KIAA1217: variants seen among roughly 807,000 people sequenced by gnomAD.
KIAA1217 encodes KIAA1217.
In KIAA1217, 88 loss-of-function variants were observed where a neutral mutation model predicts 163.9. The ratio of observed to expected loss-of-function variants is 0.54; its 90% CI spans 0.45 to 0.64. KIAA1217 has a LOEUF of 0.64. KIAA1217 is among the 30% of genes least tolerant of loss of function. The pLI, the probability that KIAA1217 is intolerant of heterozygous loss-of-function variation, is 0.00. For synonymous variants in KIAA1217, 903 were observed against 923.1 expected (o/e 0.98, Z 0.39); for missense variants, 2,372 against 2,475.0 (o/e 0.96, Z 0.88).
intron 2 of KIAA1217, among the ~76,000 whole-genome samples, chr10:24,337,704 C>T (rs1381408395): frequency 1.4e-5 from 2 of 145,042 alleles, no homozygotes; most frequent in Non-Finnish European, 3.0e-5. Flanking sequence ...AGTACAGTGG[C>T]GCAATCTCCA....
At chr10:23,880,213 G>A (rs946275592) in intron 1 of KIAA1217, among the ~76,000 whole-genome samples, 5 of 151,866 alleles carry the variant, frequency 3.3e-5, no homozygotes, top group Admixed American at 1.3e-4. Flanking sequence ...TCCATCAACA[G>A]GGGAATGGAT....
At chr10:24,224,022 A>G (rs2070084488) in intron 2 of KIAA1217, among the ~76,000 whole-genome samples, 1 of 152,166 alleles carries the variant, frequency 6.6e-6, no homozygotes. Flanking sequence ...TTGTCTTTAA[A>G]AAATATGTTG....
intron 2 of KIAA1217, among the ~76,000 whole-genome samples, chr10:24,104,107 T>A (rs749822093): frequency 3.3e-5 from 5 of 152,160 alleles, no homozygotes; most frequent in Admixed American, 6.5e-5. Context: ...AGTTTGGCAG[T>A]TTCTTACAAA....
rs2075714347 is a variant in KIAA1217 at position 24,546,251 on chromosome 10, G to A, written c.5759G>A (p.Ser1920Asn). Reference protein sequence around the residue: ...AKGTRTIHTPSLTSYKAQNGS... With the variant: ...AKGTRTIHTPNLTSYKAQNGS... The stretch of plus-strand genomic sequence containing the variant: ...GGCACCAGGACCATCCATACTCCCA[G>A]CCTCACCAGCTACAAGGCACAGAAT... Residue 1920 changes from serine (S) to asparagine (N), a missense_variant, in exon 21 of 21, where the codon AGC (serine) becomes AAC (asparagine). Ser to Asn is a conservative substitution (Grantham distance 46). This residue lies in a region of KIAA1217 where 690 missense variants were observed against 677.5 expected (regional missense o/e 1.02). Transcript: ENST00000376454. 1.2e-6 allele frequency: 2 copies of A among 1,613,952 alleles called. No homozygotes were observed. Among genetic ancestry groups the A allele is most frequent in the African/African-American group, 1.3e-5 (1 of 74,884 alleles).
chr10:24,087,919 TCCCA>T (rs2061761785), intron 2 of KIAA1217, among the ~76,000 whole-genome samples: 1 of 71,594 alleles, frequency 1.4e-5, no homozygotes, highest in Non-Finnish European at 5.5e-5. Flanking sequence ...TGTGGTGGCC[TCCCA>T]AGCCTTCCCA....
chr10:24,223,602 T>G (rs1012255595), intron 2 of KIAA1217, among the ~76,000 whole-genome samples: 4 of 152,060 alleles, frequency 2.6e-5, no homozygotes, highest in African/African-American at 7.2e-5. Context: ...TCTGGCTTCC[T>G]CTCAGAGAAG....
At chr10:24,154,753 G>C (rs1314207347) in intron 2 of KIAA1217, among the ~76,000 whole-genome samples, 1 of 152,072 alleles carries the variant, frequency 6.6e-6, no homozygotes, top group Non-Finnish European at 1.5e-5. Context: ...GTGTGTGCCT[G>C]TAGTCCCAGC....
chr10:24,542,438 A>C (rs184595386), intron 17 of KIAA1217: 1 of 1,124,250 alleles, frequency 8.9e-7, no homozygotes, highest in African/African-American at 1.6e-5. Flanking sequence ...TTTCTTCACC[A>C]CTCCCCTACA....
intron 2 of KIAA1217, among the ~76,000 whole-genome samples, chr10:24,293,954 G>C (rs775606839): frequency 3.9e-5 from 6 of 152,162 alleles, no homozygotes; most frequent in Non-Finnish European, 7.3e-5. Context: ...AGCACTTTGG[G>C]AGGCCAAGGC....
intron 2 of KIAA1217, among the ~76,000 whole-genome samples, chr10:24,084,082 C>T (rs2061618796): frequency 6.6e-6 from 1 of 152,184 alleles, no homozygotes; most frequent in Non-Finnish European, 1.5e-5. Context: ...ATATTTCACT[C>T]CCCATATCCT....
chr10:24,525,331 G>A (rs2071965725), intron 13 of KIAA1217, among the ~76,000 whole-genome samples: 1 of 152,166 alleles, frequency 6.6e-6, no homozygotes, highest in Non-Finnish European at 1.5e-5. Context: ...TAGCATGGGA[G>A]GGTGGTGAGG....
At chr10:24,318,580 T>C (rs1265661733) in intron 2 of KIAA1217, among the ~76,000 whole-genome samples, 1 of 152,100 alleles carries the variant, frequency 6.6e-6, no homozygotes, top group East Asian at 1.9e-4. Context: ...TTCTCTTGAA[T>C]ACACACGTAT....
At chr10:24,362,024 A>G (rs1326522360) in intron 2 of KIAA1217, among the ~76,000 whole-genome samples, 2 of 151,652 alleles carry the variant, frequency 1.3e-5, no homozygotes, top group Non-Finnish European at 2.9e-5. Flanking sequence ...AAAAAGAAAT[A>G]GAATGGCTGT....
rs1395862943 is a variant in KIAA1217 at position 23,946,294 on chromosome 10, C to G, written c.-320-60931C>G. On this transcript the variant is annotated intron_variant, in intron 1 of 18. Transcript: ENST00000376462. ...AAAAAAAAAAAAAAAAGTAAAGGAGCTATTTGGCATATAGGAAAAAAAAAA... is the reference window on the plus strand; with the variant it reads ...AAAAAAAAAAAAAAAAGTAAAGGAGGTATTTGGCATATAGGAAAAAAAAAA... Among the ~76,000 whole-genome samples, 5 of 140,458 alleles carry G rather than the reference C, an allele frequency of 3.6e-5. No individual in the cohort carries two copies. The East Asian group carries it at 1.0e-3, about 28-fold the overall frequency. 92.1% of individuals were successfully genotyped at this position (140,458 alleles called of 152,430 possible). A position where few individuals can be genotyped will look rare whatever the true frequency, so the allele number is the denominator to read the frequency against.
chr10:24,187,331 T>C (rs1464008352), intron 2 of KIAA1217, among the ~76,000 whole-genome samples: 1 of 152,158 alleles, frequency 6.6e-6, no homozygotes, highest in East Asian at 1.9e-4. Context: ...GCTCAGAATT[T>C]CTCCCTCTTC....
chr10:23,885,882 C>G (rs1488973505), intron 1 of KIAA1217, among the ~76,000 whole-genome samples: 2 of 151,916 alleles, frequency 1.3e-5, no homozygotes, highest in Non-Finnish European at 2.9e-5. Flanking sequence ...CAATCAATTC[C>G]AAATTGAGCT....
chr10:23,716,920 T>C (rs761365565), intron 1 of KIAA1217, among the ~76,000 whole-genome samples: 5 of 152,180 alleles, frequency 3.3e-5, no homozygotes, highest in East Asian at 1.9e-4. Flanking sequence ...ATTTTTCTCA[T>C]GTTTTAAACT....
chr10:23,750,504 G>T (rs1839678573), intron 1 of KIAA1217, among the ~76,000 whole-genome samples: 1 of 151,974 alleles, frequency 6.6e-6, no homozygotes, highest in Admixed American at 6.6e-5. Flanking sequence ...TCTACGGTGG[G>T]CTTGGTGGCT....
intron 1 of KIAA1217, among the ~76,000 whole-genome samples, chr10:23,737,976 G>T (rs956663621): frequency 2.6e-5 from 4 of 151,782 alleles, no homozygotes; most frequent in African/African-American, 4.8e-5. Context: ...ATATTCATTT[G>T]CAGGGATGAT....
Sources: gnomAD v4.1 joint callset for allele counts (sites outside exome capture counted in the v4.1 genomes callset) on GRCh38, gnomAD v4.1.1 for gene constraint, gnomAD v4.1.1 regional missense constraint, MANE v1.5 for transcripts, NCBI Gene and HGNC (gene_info 2026-07-23, HGNC 2026-07-21) for gene names.